The following ADGRV1 variants were observed in gnomAD, a reference collection of about 807,000 sequenced individuals.
The protein encoded by ADGRV1 is adhesion G protein-coupled receptor V1.
ADGRV1 carries 359 observed loss-of-function variants against 596.2 expected under a neutral mutation model. The observed-to-expected ratio is 0.60, with a 90% CI of 0.55 to 0.66. ADGRV1 has a LOEUF of 0.66. ADGRV1 is among the 30% of genes least tolerant of loss of function. ADGRV1 has a pLI of 0.00. For synonymous variants in ADGRV1, 2,681 were observed against 2,679.2 expected, an observed-to-expected ratio of 1.00 and a Z score of -0.02; for missense variants, 7,274 against 7,575.6, an observed-to-expected ratio of 0.96 and a Z score of 1.48.
intron 75 of ADGRV1, among the ~76,000 whole-genome samples, chr5:90,822,560 C>T (rs1282153292): frequency 2.0e-5 from 3 of 152,056 alleles, no homozygotes; most frequent in African/African-American, 4.8e-5. Flanking sequence ...GGTCAGGTAG[C>T]GTGATGCCTC....
At chr5:90,962,652 T>C (rs1778132603) in intron 83 of ADGRV1, among the ~76,000 whole-genome samples, 1 of 152,212 alleles carries the variant, frequency 6.6e-6, no homozygotes, top group African/African-American at 2.4e-5. Context: ...GTATTTTTTG[T>C]GCATCCCTTT....
chr5:90,664,023 G>C (rs1157865790), intron 21 of ADGRV1, among the ~76,000 whole-genome samples: 2 of 139,938 alleles, frequency 1.4e-5, no homozygotes, highest in Non-Finnish European at 3.1e-5. Flanking sequence ...TAGCCTTGTA[G>C]TATAGTTTGA....
At chr5:90,651,152 A>G (rs1768558121) in intron 17 of ADGRV1, among the ~76,000 whole-genome samples, 1 of 152,206 alleles carries the variant, frequency 6.6e-6, no homozygotes, top group Non-Finnish European at 1.5e-5. Context: ...AGTGATTCCA[A>G]TGAACACAGA....
chr5:91,030,329 T>C (rs1397973813), intron 85 of ADGRV1, among the ~76,000 whole-genome samples: 1 of 152,174 alleles, frequency 6.6e-6, no homozygotes, highest in East Asian at 1.9e-4. Flanking sequence ...TTTATAATGA[T>C]TCTTTCTCAT....
intron 87 of ADGRV1, among the ~76,000 whole-genome samples, chr5:91,110,850 C>T (rs1389799898): frequency 6.6e-6 from 1 of 152,108 alleles, no homozygotes; most frequent in East Asian, 1.9e-4. Context: ...AGTTATGAGA[C>T]TGCATTCTCC....
intron 77 of ADGRV1, among the ~76,000 whole-genome samples, chr5:90,831,481 A>G (rs1273656673): frequency 6.6e-6 from 1 of 152,130 alleles, no homozygotes; most frequent in East Asian, 1.9e-4. Flanking sequence ...AGATATTTTG[A>G]TACAGGCATA....
rs373831977 is a variant in ADGRV1 at position 90,679,648 on chromosome 5, G to C, written c.5524+19G>C. The C allele has an allele frequency of 1.6e-5, 25 of 1,567,216 alleles. No individual in the cohort carries two copies. The highest frequency in any genetic ancestry group is 2.2e-5 in the Non-Finnish European group (25 of 1,138,762). The stretch of plus-strand genomic sequence containing the variant: ...AAACGTGGTAAGCAGTTTTTCCAAG[G>C]TCCTTTACTATTATAGGTTTTTATT... On this transcript the variant is annotated intron_variant, in intron 26 of 89. Coordinates refer to ENST00000405460, the MANE Select transcript of ADGRV1 (RefSeq NM_032119.4).
intron 83 of ADGRV1, among the ~76,000 whole-genome samples, chr5:90,948,603 A>C (rs1002199105): frequency 1.3e-5 from 2 of 152,108 alleles, no homozygotes; most frequent in Non-Finnish European, 2.9e-5. Flanking sequence ...CTTGACTTAC[A>C]ATGGGGTTAC....
chr5:91,075,852 G>A (rs1241373038), intron 86 of ADGRV1, among the ~76,000 whole-genome samples: 1 of 152,088 alleles, frequency 6.6e-6, no homozygotes, highest in African/African-American at 2.4e-5. Context: ...TCCACGGTCT[G>A]ACCCAGGACC....
At chr5:90,927,331 A>G (rs2150775582) in intron 83 of ADGRV1, among the ~76,000 whole-genome samples, 1 of 151,818 alleles carries the variant, frequency 6.6e-6, no homozygotes, top group Non-Finnish European at 1.5e-5. Context: ...TATTGGGTGC[A>G]TATATATTTA....
At chr5:90,969,841 T>C (rs6871542) in intron 84 of ADGRV1, among the ~76,000 whole-genome samples, 76,150 of 152,022 alleles carry the variant, frequency 0.5, 20,678 homozygotes, top group African/African-American at 0.71. Flanking sequence ...ACTGAGGTAC[T>C]GGGTTCATCT....
intron 74 of ADGRV1, among the ~76,000 whole-genome samples, chr5:90,814,426 A>G (rs1212238951): frequency 6.6e-6 from 1 of 152,168 alleles, no homozygotes; most frequent in African/African-American, 2.4e-5. Flanking sequence ...GGTGATGGGT[A>G]CACATGATAA....
intron 70 of ADGRV1, among the ~76,000 whole-genome samples, chr5:90,801,128 T>A (rs1761328286): frequency 6.6e-6 from 1 of 152,028 alleles, no homozygotes; most frequent in Admixed American, 6.6e-5. Context: ...GGTGATGCAG[T>A]CTTGGATTAC....
At chr5:90,622,557 T>C (rs1764226625) in intron 4 of ADGRV1, 40 bp from the exon 5 acceptor site, 1 of 949,170 alleles carries the variant, frequency 1.1e-6, no homozygotes, top group Non-Finnish European at 1.5e-6. Context: ...TACCTCTGAT[T>C]GCTCAGCTCC....
chr5:90,893,118 C>G (rs1360110373), intron 83 of ADGRV1, among the ~76,000 whole-genome samples: 3 of 152,080 alleles, frequency 2.0e-5, no homozygotes, highest in Non-Finnish European at 1.5e-5. Context: ...TGAGGTTGCT[C>G]TCACTATCAG....
chr5:90,635,511 CAGTG>C (rs1766071687), intron 10 of ADGRV1, among the ~76,000 whole-genome samples: 1 of 152,222 alleles, frequency 6.6e-6, no homozygotes, highest in Middle Eastern at 3.4e-3. Flanking sequence ...TAATTGCTCA[CAGTG>C]AGTGTCGGAT....
intron 76 of ADGRV1, among the ~76,000 whole-genome samples, chr5:90,826,894 A>G (rs769692811): frequency 2.0e-5 from 3 of 152,144 alleles, no homozygotes; most frequent in Non-Finnish European, 4.4e-5. Flanking sequence ...AACTCGCCCA[A>G]TTCAATTACT....
intron 87 of ADGRV1, among the ~76,000 whole-genome samples, chr5:91,146,135 G>T (rs1795515527): frequency 6.6e-6 from 1 of 152,258 alleles, no homozygotes; most frequent in African/African-American, 2.4e-5. Flanking sequence ...TTAATGAGCT[G>T]AATGCCTTGC....
chr5:90,818,317 G>T (rs1412667025), intron 75 of ADGRV1, among the ~76,000 whole-genome samples: 1 of 151,342 alleles, frequency 6.6e-6, no homozygotes, highest in East Asian at 1.9e-4. Context: ...ATTTTGGGCT[G>T]AGACAATGGG....
Sources: gnomAD v4.1 joint callset for allele counts (sites outside exome capture counted in the v4.1 genomes callset) on GRCh38, gnomAD v4.1.1 for gene constraint, MANE v1.5 for transcripts, NCBI Gene and HGNC (gene_info 2026-07-23, HGNC 2026-07-21) for gene names.